The following PSME3IP1 variants were observed in gnomAD, a reference collection of about 807,000 sequenced individuals.
PSME3IP1 encodes proteasome activator subunit 3 interacting protein 1, also known as PSME3-interacting protein.
A neutral mutation model predicts 34.1 loss-of-function variants in PSME3IP1; 13 were observed. The ratio of observed to expected loss-of-function variants is 0.38; its 90% CI spans 0.25 to 0.61. The LOEUF is 0.61. Ranked by LOEUF, PSME3IP1 falls within the 20% of genes least tolerant of loss-of-function variation. PSME3IP1 has a pLI of 0.60. For missense variants in PSME3IP1, 237 were observed against 301.4 expected (o/e 0.79, Z 1.58); for synonymous variants, 93 against 114.3 (o/e 0.81, Z 1.19).
Position 57,154,242 on chromosome 16 carries a change from G to T in PSME3IP1, c.*48C>A. The T allele has an allele frequency of 6.4e-7, 1 of 1,550,456 alleles. No homozygotes were observed. The highest frequency in any genetic ancestry group is 8.9e-7 in the Non-Finnish European group (1 of 1,123,900). On this transcript the variant is annotated 3_prime_UTR_variant, in exon 7 of 7. Transcript: ENST00000309137. The surrounding 1 kb of genome is among the most constrained non-coding windows in gnomAD (Gnocchi z 4.0). ...CATAATGCCTATAGGCAGCATGAAC[G>T]GTCCGATCTACCCTTGGGGAGGAGC...
intron 5 of PSME3IP1, 80 bp downstream of exon 5, chr16:57,167,013 T>C (rs982978634): frequency 4.5e-5 from 69 of 1,546,270 alleles, no homozygotes; most frequent in Non-Finnish European, 5.7e-5. Flanking sequence ...GAGGCAAGCG[T>C]TGGCTCTGGC....
intron 1 of PSME3IP1, among the ~76,000 whole-genome samples, chr16:57,177,182 A>C (rs1448090325): frequency 3.3e-5 from 5 of 151,974 alleles, no homozygotes; most frequent in African/African-American, 7.3e-5. Flanking sequence ...AAATTTAAAA[A>C]TCTTCCAATA....
At chr16:57,157,413 G>A (rs1486364129) in intron 6 of PSME3IP1, among the ~76,000 whole-genome samples, 1 of 152,060 alleles carries the variant, frequency 6.6e-6, no homozygotes, top group African/African-American at 2.4e-5. Context: ...AATGAAAAAG[G>A]CAAGGAGCAG....
At chr16:57,158,569 C>A (rs1324833765) in intron 6 of PSME3IP1, among the ~76,000 whole-genome samples, 1 of 151,978 alleles carries the variant, frequency 6.6e-6, no homozygotes, top group Non-Finnish European at 1.5e-5. Context: ...GCCTGGGTGA[C>A]AGAGCTAGAC....
intron 4 of PSME3IP1, 29 bp downstream of exon 4, chr16:57,172,222 A>G: frequency 6.2e-7 from 1 of 1,610,688 alleles, no homozygotes; most frequent in South Asian, 1.1e-5. Context: ...TGGACACCTT[A>G]CAGGTTTTCC....
intron 1 of PSME3IP1, chr16:57,174,605 A>G (rs1250988496): frequency 2.0e-6 from 2 of 985,270 alleles, no homozygotes; most frequent in African/African-American, 1.7e-5. Flanking sequence ...GAGACATTAC[A>G]CTATCTTGAT....
chr16:57,163,097 G>A (rs972256874), intron 6 of PSME3IP1, among the ~76,000 whole-genome samples: 5 of 152,230 alleles, frequency 3.3e-5, no homozygotes, highest in East Asian at 1.9e-4. Flanking sequence ...CCCAGGAGGC[G>A]GAGGTTGCAG....
intron 6 of PSME3IP1, among the ~76,000 whole-genome samples, chr16:57,161,600 C>T (rs1269495275): frequency 4.7e-5 from 7 of 150,226 alleles, no homozygotes; most frequent in Admixed American, 2.0e-4. Context: ...CAAGCTCCAC[C>T]TCCTGGGTTC....
intron 6 of PSME3IP1, among the ~76,000 whole-genome samples, chr16:57,161,676 C>A (rs2071255473): frequency 6.6e-6 from 1 of 151,820 alleles, no homozygotes; most frequent in Admixed American, 6.6e-5. Context: ...GCACACCCAG[C>A]TAATTTTTTG....
At chr16:57,169,745 CATA>C (rs1260684027) in intron 4 of PSME3IP1, among the ~76,000 whole-genome samples, 1 of 152,148 alleles carries the variant, frequency 6.6e-6, no homozygotes, top group East Asian at 1.9e-4. Flanking sequence ...CAAAATAAAA[CATA>C]ATATCATTCA....
chr16:57,155,569 A>C (rs902065338), intron 6 of PSME3IP1, among the ~76,000 whole-genome samples: 4 of 152,018 alleles, frequency 2.6e-5, no homozygotes, highest in Admixed American at 1.3e-4. Context: ...GGAGGTCAAG[A>C]CCACCCAAGG....
At chr16:57,181,996 A>C (rs2073758637) in intron 1 of PSME3IP1, among the ~76,000 whole-genome samples, 1 of 152,166 alleles carries the variant, frequency 6.6e-6, no homozygotes, top group Non-Finnish European at 1.5e-5. Flanking sequence ...GCTGGTGGTC[A>C]TCAGCTCGTC....
At chr16:57,176,667 C>G (rs572209417) in intron 1 of PSME3IP1, among the ~76,000 whole-genome samples, 1 of 152,150 alleles carries the variant, frequency 6.6e-6, no homozygotes, top group African/African-American at 2.4e-5. Context: ...CATGTTCCTC[C>G]TAATTTGTTG....
At chr16:57,158,228 T>C (rs2070789312) in intron 6 of PSME3IP1, among the ~76,000 whole-genome samples, 1 of 152,210 alleles carries the variant, frequency 6.6e-6, no homozygotes, top group Non-Finnish European at 1.5e-5. Flanking sequence ...AAATACATTG[T>C]AGTACTTATG....
intron 3 of PSME3IP1, 67 bp from the exon 4 acceptor site, chr16:57,172,439 CT>C: frequency 6.5e-7 from 1 of 1,537,858 alleles, no homozygotes; most frequent in Non-Finnish European, 8.8e-7. Flanking sequence ...TTCCTTTCCC[CT>C]TTTTAAATAA....
intron 6 of PSME3IP1, among the ~76,000 whole-genome samples, chr16:57,158,014 C>T (rs2070759680): frequency 6.6e-6 from 1 of 152,178 alleles, no homozygotes; most frequent in Admixed American, 6.5e-5. Context: ...TCTTTTATCA[C>T]CATTCCACCC....
intron 4 of PSME3IP1, among the ~76,000 whole-genome samples, chr16:57,169,431 T>G (rs1172135901): frequency 6.6e-5 from 10 of 152,198 alleles, no homozygotes; most frequent in Admixed American, 6.5e-4. Flanking sequence ...ATCCTTCAAT[T>G]CCTATCTCAA....
chr16:57,171,695 A>C (rs116029732), intron 4 of PSME3IP1, among the ~76,000 whole-genome samples: 17 of 152,294 alleles, frequency 1.1e-4, no homozygotes, highest in African/African-American at 3.8e-4. Context: ...GACTTTGGGG[A>C]AGGGCAGTGT....
intron 2 of PSME3IP1, among the ~76,000 whole-genome samples, chr16:57,173,100 T>A (rs2072785522): frequency 6.6e-6 from 1 of 152,172 alleles, no homozygotes. Context: ...ATAGCGCCCA[T>A]GGCCTGAGAC....
Sources: allele counts gnomAD v4.1 joint callset (sites outside exome capture counted in the v4.1 genomes callset), GRCh38; gene constraint gnomAD v4.1.1; non-coding constraint Gnocchi (gnomAD v3.1); transcripts MANE v1.5; gene names NCBI Gene and HGNC (gene_info 2026-07-23, HGNC 2026-07-21).